TBC1D5: variants seen among roughly 807,000 people sequenced by gnomAD.
The protein encoded by TBC1D5 is TBC1 domain family, member 5.
TBC1D5 carries 75 observed loss-of-function variants against 100.3 expected under a neutral mutation model. The observed-to-expected ratio is 0.75, with a 90% CI of 0.62 to 0.91. The LOEUF is 0.91. TBC1D5 is among the 40% of genes least tolerant of loss of function. TBC1D5 has a pLI of 0.00. For missense variants in TBC1D5, 910 were observed against 942.4 expected (o/e 0.97, Z 0.45); for synonymous variants, 323 against 325.6 (o/e 0.99, Z 0.09).
At chr3:17,575,440 T>A (rs1039404062) in intron 2 of TBC1D5, 7 of 152,104 alleles carry the variant, frequency 4.6e-5, no homozygotes, top group South Asian at 4.1e-4. Context: ...TGAATTTTGG[T>A]TTGATTAGGC....
At chr3:17,192,492 TA>T (rs2070074458) in intron 18 of TBC1D5, among the ~76,000 whole-genome samples, 1 of 152,226 alleles carries the variant, frequency 6.6e-6, no homozygotes, top group Non-Finnish European at 1.5e-5. Flanking sequence ...TGCTGCTCTT[TA>T]TGGGTTGCCT....
chr3:17,481,974 C>T (rs2095507451), intron 3 of TBC1D5, among the ~76,000 whole-genome samples: 1 of 152,218 alleles, frequency 6.6e-6, no homozygotes, highest in South Asian at 2.1e-4. Flanking sequence ...CTCCTGACCT[C>T]AGATGATCCA....
chr3:17,548,924 A>G (rs1021912725), intron 2 of TBC1D5, among the ~76,000 whole-genome samples: 1 of 152,234 alleles, frequency 6.6e-6, no homozygotes, highest in Admixed American at 6.5e-5. Context: ...AAATTTACCT[A>G]TTGAAAATTA....
chr3:17,674,799 G>A (rs2068413714), intron 1 of TBC1D5, among the ~76,000 whole-genome samples: 2 of 152,078 alleles, frequency 1.3e-5, no homozygotes, highest in Admixed American at 6.5e-5. Context: ...TGAAGTGATA[G>A]AGATGGTCTA....
intron 1 of TBC1D5, among the ~76,000 whole-genome samples, chr3:17,636,949 A>C (rs973273580): frequency 6.6e-6 from 1 of 152,140 alleles, no homozygotes; most frequent in Non-Finnish European, 1.5e-5. Context: ...GGTTAACTAG[A>C]TCTCTCCTTA....
At chr3:17,676,322 C>T (rs372081205) in intron 1 of TBC1D5, among the ~76,000 whole-genome samples, 100 of 151,966 alleles carry the variant, frequency 6.6e-4, no homozygotes, top group African/African-American at 2.1e-3. Context: ...ACAAACTTAA[C>T]GTGCAAAAAT....
At chr3:17,618,353 G>A (rs1240395953) in intron 2 of TBC1D5, among the ~76,000 whole-genome samples, 3 of 152,312 alleles carry the variant, frequency 2.0e-5, no homozygotes, top group African/African-American at 7.2e-5. Context: ...GCTACATGGG[G>A]GTCAGGGACC....
chr3:17,522,994 T>A (rs537575155), intron 2 of TBC1D5, among the ~76,000 whole-genome samples: 1 of 152,324 alleles, frequency 6.6e-6, no homozygotes, highest in African/African-American at 2.4e-5. Flanking sequence ...CAAATTAGCA[T>A]CATTTGTCTT....
chr3:17,572,706 C>T (rs1157644254), intron 2 of TBC1D5, among the ~76,000 whole-genome samples: 1 of 152,084 alleles, frequency 6.6e-6, no homozygotes, highest in African/African-American at 2.4e-5. Flanking sequence ...AATTCGACGA[C>T]CACTTTTGGC....
At chr3:17,276,949 A>C (rs2080083259) in intron 15 of TBC1D5, among the ~76,000 whole-genome samples, 1 of 152,224 alleles carries the variant, frequency 6.6e-6, no homozygotes, top group East Asian at 1.9e-4. Flanking sequence ...GGAAGGTAAA[A>C]GCTGAAGTTA....
At chr3:17,204,467 C>T (rs1016011694) in intron 18 of TBC1D5, among the ~76,000 whole-genome samples, 4 of 152,172 alleles carry the variant, frequency 2.6e-5, no homozygotes, top group Non-Finnish European at 5.9e-5. Context: ...ATATTTCTGG[C>T]CTGGGATTGT....
intron 17 of TBC1D5, among the ~76,000 whole-genome samples, chr3:17,234,529 G>T (rs1365534674): frequency 6.6e-6 from 1 of 151,918 alleles, no homozygotes; most frequent in Non-Finnish European, 1.5e-5. Context: ...ACATTTGGAA[G>T]GAAGACTTTT....
At chr3:17,507,275 C>A (rs2095854415) in intron 3 of TBC1D5, among the ~76,000 whole-genome samples, 1 of 151,896 alleles carries the variant, frequency 6.6e-6, no homozygotes, top group African/African-American at 2.4e-5. Flanking sequence ...ATTAAAATAA[C>A]TGAAATTGAA....
At chr3:17,733,959 A>G (rs996465157) in intron 1 of TBC1D5, among the ~76,000 whole-genome samples, 10 of 152,182 alleles carry the variant, frequency 6.6e-5, no homozygotes, top group Non-Finnish European at 1.3e-4. Context: ...TACAGCATTA[A>G]AGAAAGAAAA....
chr3:17,425,171 T>C (rs2094307650), intron 4 of TBC1D5, among the ~76,000 whole-genome samples: 1 of 152,212 alleles, frequency 6.6e-6, no homozygotes, highest in African/African-American at 2.4e-5. Flanking sequence ...AACTAATATT[T>C]ATTCAGCATT....
chr3:17,419,292 C>T (rs938543797), intron 4 of TBC1D5, among the ~76,000 whole-genome samples: 14 of 152,086 alleles, frequency 9.2e-5, no homozygotes, highest in African/African-American at 2.4e-4. Flanking sequence ...TGCAATAAGC[C>T]CCTGTAACCA....
At chr3:17,273,538 A>G (rs2079644139) in intron 15 of TBC1D5, among the ~76,000 whole-genome samples, 2 of 151,970 alleles carry the variant, frequency 1.3e-5, no homozygotes, top group Non-Finnish European at 2.9e-5. Flanking sequence ...ACACGCAGCC[A>G]CCCTCTGCAA....
chr3:17,534,435 G>C (rs909042986), intron 2 of TBC1D5, among the ~76,000 whole-genome samples: 2 of 152,104 alleles, frequency 1.3e-5, no homozygotes, highest in African/African-American at 4.8e-5. Context: ...AAGAAAATCT[G>C]AATCAGATTC....
At chr3:17,694,900 C>A (rs566336513) in intron 1 of TBC1D5, among the ~76,000 whole-genome samples, 4 of 152,170 alleles carry the variant, frequency 2.6e-5, no homozygotes, top group Admixed American at 1.3e-4. Context: ...GCGGACCTCT[C>A]GGCAGAAACC....
Sources: gnomAD v4.1 joint callset for allele counts (sites outside exome capture counted in the v4.1 genomes callset) on GRCh38, gnomAD v4.1.1 for gene constraint, MANE v1.5 for transcripts, NCBI Gene and HGNC (gene_info 2026-07-23, HGNC 2026-07-21) for gene names.